PTPRQ: variants seen among roughly 807,000 people sequenced by gnomAD.
The protein encoded by PTPRQ is phosphatidylinositol phosphatase PTPRQ.
In PTPRQ, 199 loss-of-function variants were observed where a neutral mutation model predicts 246.0. The observed-to-expected ratio is 0.81, with a 90% CI of 0.72 to 0.91. The LOEUF (loss-of-function observed/expected upper bound fraction) is 0.91, where lower values mean the gene tolerates loss of function less well. Among genes scored for constraint, PTPRQ ranks in the 40% least tolerant of loss-of-function variants. PTPRQ has a pLI of 0.00. For synonymous variants in PTPRQ, 869 were observed against 853.2 expected (o/e 1.02, Z -0.32); for missense variants, 2,624 against 2,528.4 (o/e 1.04, Z -0.81).
intron 9 of PTPRQ, among the ~76,000 whole-genome samples, chr12:80,491,427 G>A (rs1432106395): frequency 3.9e-5 from 6 of 151,950 alleles, no homozygotes; most frequent in African/African-American, 1.4e-4. Context: ...TGGAGGCAGT[G>A]CTGAAGTGAG....
At chr12:80,540,351 T>C (rs1034264639) in intron 20 of PTPRQ, among the ~76,000 whole-genome samples, 19 of 152,120 alleles carry the variant, frequency 1.2e-4, no homozygotes, top group African/African-American at 4.6e-4. Context: ...CTTCTCACTG[T>C]GTTTGTGACT....
intron 3 of PTPRQ, among the ~76,000 whole-genome samples, chr12:80,446,518 CT>C (rs2120389208): frequency 6.6e-6 from 1 of 151,696 alleles, no homozygotes; most frequent in African/African-American, 2.4e-5. Flanking sequence ...GTTTGGGCTT[CT>C]AGTATACCCA....
At chr12:80,552,022 C>G (rs999708698) in intron 25 of PTPRQ, among the ~76,000 whole-genome samples, 2 of 151,996 alleles carry the variant, frequency 1.3e-5, no homozygotes, top group African/African-American at 2.4e-5. Context: ...TTTATTAAAG[C>G]CTTTAATGGC....
chr12:80,613,874 A>G, intron 29 of PTPRQ, 38 bp downstream of exon 29: 2 of 1,461,828 alleles, frequency 1.4e-6, no homozygotes, highest in Non-Finnish European at 1.8e-6. Context: ...CCCAAATGAC[A>G]ATGTCAGTTT....
rs541714983 is a variant in PTPRQ at position 80,679,562 on chromosome 12, C to T, written c.*539C>T. The T allele has an allele frequency of 3.5e-4, 53 of 152,240 alleles. No individual in the cohort carries two copies. The highest frequency in any genetic ancestry group is 1.2e-3 in the African/African-American group (49 of 41,538). The allele number at this position is 152,240 out of a possible 1,614,324, so 9.4% of individuals were successfully genotyped here. A position where few individuals can be genotyped will look rare whatever the true frequency, so the allele number is the denominator to read the frequency against. On this transcript the variant is annotated 3_prime_UTR_variant, in exon 45 of 45. Coordinates refer to ENST00000644991, the MANE Select transcript of PTPRQ (RefSeq NM_001145026.2). Reference sequence around the variant, plus strand: ...TCCCGAACAGCTGAACAGTAACCCCCTGACACTGCAGGGATTACTTGGCCT... The same window carrying T: ...TCCCGAACAGCTGAACAGTAACCCCTTGACACTGCAGGGATTACTTGGCCT...
chr12:80,588,278 T>C lies in PTPRQ; in HGVS notation c.4435T>C (p.Ser1479Pro), dbSNP rs1897682915. ...LRAQKCKEWE[S>P]EECVEYQKIQ... is the part of the protein sequence containing the mutation. ...TGCTCAAAAATGCAAAGAATGGGAA[T>C]CCGAAGAATGTGTTGAATATCAAAA... Residue 1479 changes from serine (S) to proline (P), a missense_variant, in exon 26 of 45, where the codon TCC becomes CCC. Transcript: ENST00000644991. 9.0e-6 allele frequency: 14 copies of C among 1,551,542 alleles called. No homozygotes were observed. Among genetic ancestry groups the C allele is most frequent in the Non-Finnish European group, 1.2e-5 (14 of 1,146,916 alleles).
Position 80,506,228 on chromosome 12 carries a change from T to A in PTPRQ, c.2455+22T>A, listed in dbSNP as rs188234415. ...AAAGGTAAAAGAACAAATCTAATAT[T>A]GGATATTTGCATTTATAATGACAGA... On this transcript the variant is annotated intron_variant, in intron 15 of 44. Coordinates refer to ENST00000644991, the MANE Select transcript of PTPRQ (RefSeq NM_001145026.2). 3.6e-5 allele frequency: 52 copies of A among 1,442,486 alleles called. 1 individual carries two copies. The East Asian group carries it at 1.3e-3, about 37-fold the overall frequency. The allele number at this position is 1,442,486 out of a possible 1,614,324, so 89.4% of individuals were successfully genotyped here. A position where few individuals can be genotyped will look rare whatever the true frequency, so the allele number is the denominator to read the frequency against.
chr12:80,549,790 G>T, intron 25 of PTPRQ, 56 bp downstream of exon 25: 1 of 1,478,444 alleles, frequency 6.8e-7, no homozygotes, highest in South Asian at 1.4e-5. Flanking sequence ...TGGGGATTGT[G>T]TCAATACCAC....
intron 17 of PTPRQ, among the ~76,000 whole-genome samples, chr12:80,514,388 A>ACG: frequency 2.0e-5 from 1 of 50,662 alleles, no homozygotes; most frequent in African/African-American, 6.0e-5. Context: ...ACACACACAC[A>ACG]CACACACACA....
intron 9 of PTPRQ, 89 bp downstream of exon 9, chr12:80,484,694 G>T: frequency 6.8e-7 from 1 of 1,465,474 alleles, no homozygotes; most frequent in Non-Finnish European, 9.1e-7. Context: ...ACCCACACAT[G>T]TAATATTTGA....
chr12:80,532,426 G>T (rs1281236378), intron 17 of PTPRQ, among the ~76,000 whole-genome samples: 1 of 151,930 alleles, frequency 6.6e-6, no homozygotes, highest in Non-Finnish European at 1.5e-5. Flanking sequence ...TTGCCATGTT[G>T]CCCAGGCTGA....
chr12:80,622,202 A>C (rs1592727529), intron 33 of PTPRQ, 68 bp downstream of exon 33: 2 of 1,140,204 alleles, frequency 1.8e-6, no homozygotes, highest in Admixed American at 7.8e-5. Flanking sequence ...TTATTAGTAA[A>C]TGTATTAATC....
chr12:80,468,804 A>G lies in PTPRQ; in HGVS notation c.1005A>G (p.Lys335=), dbSNP rs982872890. 2 of 1,549,930 alleles carry G rather than the reference A, an allele frequency of 1.3e-6. No individual in the cohort carries two copies. Among genetic ancestry groups the G allele is most frequent in the African/African-American group, 2.7e-5 (2 of 73,010 alleles). The change falls in exon 7 of 45, where the codon AAA becomes AAG. Residue 335 remains lysine, a synonymous_variant. Coordinates refer to ENST00000644991, the MANE Select transcript of PTPRQ (RefSeq NM_001145026.2). ...LWDPPTIVTG[K]FSYRVELYGP... Reference sequence around the variant, plus strand: ...ACCCACCAACTATAGTAACAGGGAAATTTAGTTATAGAGTTGAATTATATG... The same window carrying G: ...ACCCACCAACTATAGTAACAGGGAAGTTTAGTTATAGAGTTGAATTATATG...
At chr12:80,660,960 CT>C (rs1458838119) in intron 39 of PTPRQ, among the ~76,000 whole-genome samples, 1 of 151,470 alleles carries the variant, frequency 6.6e-6, no homozygotes, top group Non-Finnish European at 1.5e-5. Flanking sequence ...GCATAAGGTA[CT>C]GGGCACTACA....
At chr12:80,528,533 T>G (rs1157344784) in intron 17 of PTPRQ, among the ~76,000 whole-genome samples, 2 of 152,230 alleles carry the variant, frequency 1.3e-5, no homozygotes, top group African/African-American at 2.4e-5. Context: ...ATTTTTCATG[T>G]TTTTGATCAG....
chr12:80,521,642 T>G (rs1390591989), intron 17 of PTPRQ, among the ~76,000 whole-genome samples: 1 of 152,232 alleles, frequency 6.6e-6, no homozygotes, highest in Admixed American at 6.5e-5. Flanking sequence ...TTGCTTTTTT[T>G]TGTCAGGTTT....
chr12:80,552,238 G>T (rs1387051141), intron 25 of PTPRQ, among the ~76,000 whole-genome samples: 2 of 152,016 alleles, frequency 1.3e-5, no homozygotes, highest in Non-Finnish European at 2.9e-5. Flanking sequence ...CCAGTGGGTG[G>T]CCAGCACATC....
intron 25 of PTPRQ, among the ~76,000 whole-genome samples, chr12:80,565,235 A>AT (rs2120933043): frequency 6.6e-6 from 1 of 152,328 alleles, no homozygotes; most frequent in South Asian, 2.1e-4. Context: ...AATTCCTTTT[A>AT]TAAAAAGTGA....
At chr12:80,586,475 G>T (rs1048028030) in intron 25 of PTPRQ, 14 of 151,668 alleles carry the variant, frequency 9.2e-5, no homozygotes, top group African/African-American at 3.4e-4. Flanking sequence ...AACCATTGTG[G>T]AAGTCAGTGT....
Sources: allele counts gnomAD v4.1 joint callset (sites outside exome capture counted in the v4.1 genomes callset), GRCh38; gene constraint gnomAD v4.1.1; transcripts MANE v1.5; gene names NCBI Gene and HGNC (gene_info 2026-07-23, HGNC 2026-07-21).